MYO1B: variants seen among roughly 807,000 people sequenced by gnomAD.
MYO1B encodes unconventional myosin-Ib.
A neutral mutation model predicts 159.7 loss-of-function variants in MYO1B; 72 were observed. The observed-to-expected ratio is 0.45, with a 90% CI of 0.37 to 0.55. MYO1B has a LOEUF of 0.55. Ranked by LOEUF, MYO1B falls within the 20% of genes least tolerant of loss-of-function variation. MYO1B has a pLI of 0.00. For missense variants in MYO1B, 1,062 were observed against 1,364.8 expected, an observed-to-expected ratio of 0.78 and a Z score of 3.50; for synonymous variants, 468 against 473.8, an observed-to-expected ratio of 0.99 and a Z score of 0.16.
chr2:191,297,922 C>T (rs1380733588), intron 3 of MYO1B, among the ~76,000 whole-genome samples: 2 of 152,158 alleles, frequency 1.3e-5, no homozygotes, highest in African/African-American at 2.4e-5. Flanking sequence ...CACAGTAAAG[C>T]GTTGTCTGTT....
chr2:191,334,613 T>C (rs921599847), intron 4 of MYO1B, among the ~76,000 whole-genome samples: 2 of 152,164 alleles, frequency 1.3e-5, no homozygotes, highest in African/African-American at 4.8e-5. Flanking sequence ...GATTTAGTCC[T>C]TCTGGGGATC....
In MYO1B at chr2:191,392,206, G is replaced by A; in HGVS notation, c.2076+5G>A. 1 of 1,591,130 alleles carries A rather than the reference G, an allele frequency of 6.3e-7. No individual in the cohort carries two copies. Among genetic ancestry groups the A allele is most frequent in the Non-Finnish European group, 8.6e-7 (1 of 1,162,948 alleles). On this transcript the variant is annotated splice_donor_5th_base_variant and intron_variant, in intron 19 of 30. Transcript: ENST00000392318. The stretch of plus-strand genomic sequence containing the variant: ...TTCATCCGAAACCCAAGAACAGTAT[G>A]TAACGAAAACCTTTACACTCTGAAC...
intron 21 of MYO1B, among the ~76,000 whole-genome samples, chr2:191,398,359 A>AG (rs1696317091): frequency 9.9e-6 from 1 of 100,690 alleles, no homozygotes; most frequent in Admixed American, 9.1e-5. Flanking sequence ...ACTTCCCAGT[A>AG]GGGGCGGCTG....
chr2:191,416,368 A>G, intron 30 of MYO1B, 126 bp downstream of exon 30: 2 of 1,172,662 alleles, frequency 1.7e-6, no homozygotes, highest in South Asian at 2.9e-5. Context: ...TAGTTGTTCC[A>G]CATGATAAAT....
chr2:191,402,807 C>T, intron 24 of MYO1B, 89 bp downstream of exon 24: 1 of 990,756 alleles, frequency 1.0e-6, no homozygotes, highest in Non-Finnish European at 1.5e-6. Flanking sequence ...ATTATGCTTG[C>T]TGATGGTCTG....
intron 2 of MYO1B, among the ~76,000 whole-genome samples, chr2:191,294,766 A>G (rs1688882702): frequency 6.6e-6 from 1 of 152,162 alleles, no homozygotes; most frequent in Non-Finnish European, 1.5e-5. Context: ...ACCTTTGACA[A>G]GATAGTATTC....
intron 6 of MYO1B, among the ~76,000 whole-genome samples, chr2:191,348,523 C>T (rs1692713952): frequency 6.6e-6 from 1 of 152,180 alleles, no homozygotes; most frequent in African/African-American, 2.4e-5. Context: ...TGCTTCACCT[C>T]CTTGGTCCCC....
intron 2 of MYO1B, among the ~76,000 whole-genome samples, chr2:191,283,282 A>G (rs183701671): frequency 1.3e-5 from 2 of 152,060 alleles, no homozygotes; most frequent in African/African-American, 4.8e-5. Flanking sequence ...TATAATACTT[A>G]CAGTGCATTA....
At chr2:191,302,253 C>T (rs527401763) in intron 3 of MYO1B, among the ~76,000 whole-genome samples, 1 of 152,336 alleles carries the variant, frequency 6.6e-6, no homozygotes, top group East Asian at 1.9e-4. Context: ...GTTTTGGTGT[C>T]ACCCTCTTGA....
chr2:191,319,147 T>C (rs1263502520), intron 3 of MYO1B, among the ~76,000 whole-genome samples: 2 of 152,222 alleles, frequency 1.3e-5, no homozygotes, highest in Non-Finnish European at 2.9e-5. Flanking sequence ...CATTTTGTTA[T>C]GCAGACACTT....
chr2:191,251,676 G>C (rs1317099207), intron 1 of MYO1B, among the ~76,000 whole-genome samples: 1 of 152,044 alleles, frequency 6.6e-6, no homozygotes, highest in Non-Finnish European at 1.5e-5. Context: ...TTTTAAATTT[G>C]TTTAAAAAAA....
chr2:191,366,403 T>A (rs1694012702), intron 11 of MYO1B, among the ~76,000 whole-genome samples: 1 of 152,138 alleles, frequency 6.6e-6, no homozygotes, highest in Non-Finnish European at 1.5e-5. Context: ...TTATTTTTAA[T>A]GTAGTACTCA....
chr2:191,291,722 A>G (rs566935196), intron 2 of MYO1B, among the ~76,000 whole-genome samples: 1 of 152,204 alleles, frequency 6.6e-6, no homozygotes, highest in Non-Finnish European at 1.5e-5. Flanking sequence ...ACCAACTGTA[A>G]ATAGTATGCA....
chr2:191,259,511 T>C (rs535524776), intron 1 of MYO1B, among the ~76,000 whole-genome samples: 1 of 152,374 alleles, frequency 6.6e-6, no homozygotes, highest in East Asian at 1.9e-4. Context: ...ATAAATTTTA[T>C]AGTTGTGTAT....
At chr2:191,356,983 A>G (rs1319973634) in intron 7 of MYO1B, among the ~76,000 whole-genome samples, 2 of 152,170 alleles carry the variant, frequency 1.3e-5, no homozygotes, top group African/African-American at 2.4e-5. Flanking sequence ...TCAAGCTTTC[A>G]TTGTCTTTCT....
chr2:191,404,591 G>C (rs1222393046), intron 24 of MYO1B, among the ~76,000 whole-genome samples: 2 of 152,122 alleles, frequency 1.3e-5, no homozygotes, highest in Non-Finnish European at 2.9e-5. Context: ...TATGAATACA[G>C]GCATACCTCA....
intron 27 of MYO1B, among the ~76,000 whole-genome samples, chr2:191,413,362 CAT>C (rs1187707627): frequency 1.3e-5 from 2 of 152,184 alleles, no homozygotes; most frequent in South Asian, 4.1e-4. Flanking sequence ...TTGGATATCT[CAT>C]GTGGTTTATT....
chr2:191,291,162 C>T (rs1289206796), intron 2 of MYO1B, among the ~76,000 whole-genome samples: 1 of 152,138 alleles, frequency 6.6e-6, no homozygotes, highest in African/African-American at 2.4e-5. Flanking sequence ...GGCTTCTGAA[C>T]AGTGGTCTGG....
chr2:191,375,504 GATAGATA>G (rs1694646197), intron 13 of MYO1B, among the ~76,000 whole-genome samples: 2 of 152,024 alleles, frequency 1.3e-5, no homozygotes, highest in African/African-American at 4.8e-5. Context: ...TAGATAGATA[GATAGATA>G]GATGGATCCA....
Sources: gnomAD v4.1 joint callset for allele counts (sites outside exome capture counted in the v4.1 genomes callset) on GRCh38, gnomAD v4.1.1 for gene constraint, MANE v1.5 for transcripts, NCBI Gene and HGNC (gene_info 2026-07-23, HGNC 2026-07-21) for gene names.